Variants in KSR1 observed in about 807,000 individuals in gnomAD.
KSR1 encodes the protein kinase suppressor of ras.
KSR1 carries 35 observed loss-of-function variants against 92.9 expected under a neutral mutation model. The ratio of observed to expected loss-of-function variants is 0.38; its 90% CI spans 0.29 to 0.50. The LOEUF (loss-of-function observed/expected upper bound fraction) is 0.50, where lower values mean the gene tolerates loss of function less well. Among genes scored for constraint, KSR1 ranks in the 20% least tolerant of loss-of-function variants. The pLI, the probability that KSR1 is intolerant of heterozygous loss-of-function variation, is 0.94. For missense variants in KSR1, 972 were observed against 1,158.5 expected, an observed-to-expected ratio of 0.84 and a Z score of 2.34; for synonymous variants, 467 against 472.6, an observed-to-expected ratio of 0.99 and a Z score of 0.15.
chr17:27,588,836 G>C (rs2073068346), intron 6 of KSR1, among the ~76,000 whole-genome samples: 1 of 152,192 alleles, frequency 6.6e-6, no homozygotes. Flanking sequence ...TCATGGGAAG[G>C]AGTCACAGGA....
chr17:27,585,832 C>T, intron 5 of KSR1, 171 bp downstream of exon 5: 1 of 650,768 alleles, frequency 1.5e-6, no homozygotes, highest in Non-Finnish European at 2.8e-6. Flanking sequence ...GACAGGTGGC[C>T]TTAAAGTGAC....
chr17:27,468,527 C>A (rs2019820186), intron 1 of KSR1, among the ~76,000 whole-genome samples: 1 of 152,190 alleles, frequency 6.6e-6, no homozygotes, highest in Admixed American at 6.5e-5. Context: ...CCGTGCCTGG[C>A]CTGTGGCCAA....
rs1194930646 is a variant in KSR1 at position 27,559,308 on chromosome 17, G to A, written c.372+8600G>A. The stretch of plus-strand genomic sequence containing the variant: ...TGCGGCGCTGCATGCCTGACCTTTG[G>A]TTCCTCGTCCCTTCCCTGTCTGTAG... On this transcript the variant is annotated intron_variant, in intron 2 of 20. Coordinates refer to ENST00000644974, the MANE Select transcript of KSR1 (RefSeq NM_001394583.1). This position sits in a 1 kb window ranked among gnomAD's most constrained non-coding sequence, Gnocchi z 4.2. Among the ~76,000 whole-genome samples, 1 of 152,190 alleles carries A rather than the reference G, an allele frequency of 6.6e-6. No individual in the cohort carries two copies. Among genetic ancestry groups the A allele is most frequent in the African/African-American group, 2.4e-5 (1 of 41,446 alleles).
intron 2 of KSR1, chr17:27,558,312 TATC>T (rs2071688437): frequency 6.6e-6 from 1 of 150,470 alleles, no homozygotes; most frequent in South Asian, 2.1e-4. Context: ...ATATGATAGA[TATC>T]ATTTTGCAGG....
At chr17:27,526,598 A>G (rs2070308555) in intron 1 of KSR1, 1 of 1,581,430 alleles carries the variant, frequency 6.3e-7, no homozygotes, top group Non-Finnish European at 8.7e-7. Context: ...TGTAAGATGG[A>G]CATTTGTTGA....
chr17:27,543,892 C>G (rs780408883), intron 1 of KSR1, among the ~76,000 whole-genome samples: 4 of 152,146 alleles, frequency 2.6e-5, no homozygotes, highest in Non-Finnish European at 2.9e-5. Context: ...CAGCATTGTC[C>G]TGAAGTCAAG....
Position 27,607,896 on chromosome 17 carries a change from C to T in KSR1, c.1995-18C>T, listed in dbSNP as rs2073805727. 1.9e-6 allele frequency: 3 copies of T among 1,582,432 alleles called. No individual in the cohort carries two copies. Among genetic ancestry groups the T allele is most frequent in the South Asian group, 2.3e-5 (2 of 86,810 alleles). ...CACCAGCCCCAGACTTGTGCTTGAC[C>T]CCCACCACCCTCGACAGCTTCTGCA... On this transcript the variant is annotated intron_variant, in intron 14 of 20. Coordinates refer to ENST00000644974, the MANE Select transcript of KSR1 (RefSeq NM_001394583.1).
In KSR1 at chr17:27,601,285, G is replaced by A. The variant is rs371115252; in HGVS notation, c.1469-75G>A. ...GTAACAAGTCCCTGCCTCCCAAGCC[G>A]GTACCTGCAATTCCGCTCCTCCCTC... On this transcript the variant is annotated intron_variant, in intron 10 of 20. Coordinates refer to ENST00000644974, the MANE Select transcript of KSR1 (RefSeq NM_001394583.1). The A allele has an allele frequency of 7.8e-5, 103 of 1,320,778 alleles. No homozygotes were observed. The Admixed American group carries it at 1.4e-3, about 18-fold the overall frequency. 81.8% of individuals were successfully genotyped at this position (1,320,778 alleles called of 1,614,324 possible). A position where few individuals can be genotyped will look rare whatever the true frequency, so the allele number is the denominator to read the frequency against.
At chr17:27,458,725 G>A (rs1372651918) in intron 1 of KSR1, among the ~76,000 whole-genome samples, 1 of 152,160 alleles carries the variant, frequency 6.6e-6, no homozygotes, top group Non-Finnish European at 1.5e-5. Flanking sequence ...CCGTGATGTG[G>A]ATTCGGGTTC....
intron 1 of KSR1, among the ~76,000 whole-genome samples, chr17:27,502,586 T>C (rs1046417054): frequency 2.6e-5 from 4 of 152,232 alleles, no homozygotes; most frequent in Non-Finnish European, 5.9e-5. Flanking sequence ...CAAGTGGTCA[T>C]TGTAGGCTTG....
intron 1 of KSR1, among the ~76,000 whole-genome samples, chr17:27,513,747 T>TA (rs1252393913): frequency 1.3e-5 from 2 of 152,220 alleles, no homozygotes; most frequent in Non-Finnish European, 2.9e-5. Context: ...TGCTTATGTT[T>TA]AACCCCTGCA....
intron 1 of KSR1, among the ~76,000 whole-genome samples, chr17:27,528,475 G>A (rs1041168667): frequency 6.6e-6 from 1 of 152,204 alleles, no homozygotes; most frequent in Non-Finnish European, 1.5e-5. Flanking sequence ...AGTGGATCCA[G>A]TATGTGAGCC....
rs1292224483 is a variant in KSR1, at chr17:27,456,686, A to G, written c.43A>G (p.Lys15Glu). Residue 15 changes from lysine to glutamate, a missense_variant, in exon 1 of 21, where the codon AAG (lysine) becomes GAG (glutamate). Coordinates refer to ENST00000644974, the MANE Select transcript of KSR1 (RefSeq NM_001394583.1). The part of the protein sequence containing the change: ...ALRAAAMGEK[K>E]EGGGGGDAAA... Reference sequence around the variant, plus strand: ...GCGCGCGGCGGCGATGGGAGAGAAGAAGGAGGGCGGTGGCGGGGGGGATGC... The same window carrying G: ...GCGCGCGGCGGCGATGGGAGAGAAGGAGGAGGGCGGTGGCGGGGGGGATGC... 2.7e-6 allele frequency: 2 copies of G among 727,510 alleles called. No homozygotes were observed. Among genetic ancestry groups the G allele is most frequent in the South Asian group, 1.6e-5 (1 of 64,280 alleles). The allele number at this position is 727,510 out of a possible 1,614,324, so 45.1% of individuals were successfully genotyped here.
chr17:27,594,854 C>T (rs1421740008), intron 9 of KSR1, among the ~76,000 whole-genome samples: 1 of 152,110 alleles, frequency 6.6e-6, no homozygotes, highest in Non-Finnish European at 1.5e-5. Flanking sequence ...AGGAAACCAG[C>T]ATATTGATTG....
chr17:27,489,868 G>T (rs1420046438), intron 1 of KSR1, among the ~76,000 whole-genome samples: 1 of 152,344 alleles, frequency 6.6e-6, no homozygotes, highest in African/African-American at 2.4e-5. Flanking sequence ...GAGAAAAGGA[G>T]GGGCAGCTGC....
At chr17:27,600,674 C>T (rs916783814) in intron 10 of KSR1, among the ~76,000 whole-genome samples, 1 of 152,206 alleles carries the variant, frequency 6.6e-6, no homozygotes, top group Non-Finnish European at 1.5e-5. Flanking sequence ...GCTACCACAT[C>T]ACTAGGCAAG....
At chr17:27,613,816 T>A (rs1348186467) in intron 18 of KSR1, among the ~76,000 whole-genome samples, 1 of 152,140 alleles carries the variant, frequency 6.6e-6, no homozygotes, top group Non-Finnish European at 1.5e-5. Context: ...TCTTTTTAAA[T>A]TTTTTTTGAA....
intron 1 of KSR1, among the ~76,000 whole-genome samples, chr17:27,537,889 C>T (rs1384628292): frequency 6.6e-6 from 1 of 152,018 alleles, no homozygotes; most frequent in Non-Finnish European, 1.5e-5. Flanking sequence ...AAAAAAGATA[C>T]AACAATAAAA....
chr17:27,547,236 G>A (rs1372809951), intron 1 of KSR1, among the ~76,000 whole-genome samples: 2 of 152,234 alleles, frequency 1.3e-5, no homozygotes, highest in East Asian at 1.9e-4. Context: ...AAACGCTGAT[G>A]TGGTAGCAGT....
Sources: allele counts gnomAD v4.1 joint callset (sites outside exome capture counted in the v4.1 genomes callset), GRCh38; gene constraint gnomAD v4.1.1; non-coding constraint Gnocchi (gnomAD v3.1); transcripts MANE v1.5; gene names NCBI Gene and HGNC (gene_info 2026-07-23, HGNC 2026-07-21).